Variants in ACSF2 observed in about 807,000 individuals in gnomAD.
The protein encoded by ACSF2 is acyl-CoA synthetase family member 2.
A neutral mutation model predicts 79.3 loss-of-function variants in ACSF2; 52 were observed. The ratio of observed to expected loss-of-function variants is 0.66; its 90% CI spans 0.53 to 0.83. ACSF2 has a LOEUF of 0.83. Among genes scored for constraint, ACSF2 ranks in the 40% least tolerant of loss-of-function variants. The pLI is 0.00. For missense variants in ACSF2, 661 were observed against 803.3 expected, an observed-to-expected ratio of 0.82 and a Z score of 2.14; for synonymous variants, 283 against 312.6, an observed-to-expected ratio of 0.91 and a Z score of 1.00.
chr17:50,471,237 C>A lies in ACSF2; in HGVS notation c.1323+102C>A. 1.1e-6 allele frequency: 1 copy of A among 933,736 alleles called. No homozygotes were observed. Among genetic ancestry groups the A allele is most frequent in the Admixed American group, 2.0e-5 (1 of 51,174 alleles). 57.8% of individuals were successfully genotyped at this position (933,736 alleles called of 1,614,324 possible). On this transcript the variant is annotated intron_variant, in intron 11 of 15. Transcript: ENST00000300441. The surrounding 1 kb of genome is among the most constrained non-coding windows in gnomAD (Gnocchi z 4.1). ...CTTTCAGTGAGAGAGTCAAATGGCT[C>A]ACTCAGGATGCCTAGAGCCCCCCAG...
Position 50,465,286 on chromosome 17 carries a change from G to C in ACSF2, c.1215+992G>C, listed in dbSNP as rs766953753. The C allele has an allele frequency of 6.8e-6, 11 of 1,613,826 alleles. No homozygotes were observed. The African/African-American group carries it at 1.5e-4, about 22-fold the overall frequency. ...GGGACATAGGGGACCTGTTTACCTG[G>C]CCCCCACCTGTTTAATGGCGGCCAG... On this transcript the variant is annotated intron_variant, in intron 10 of 15. Transcript: ENST00000300441.
intron 10 of ACSF2, chr17:50,468,543 C>T: frequency 6.2e-7 from 1 of 1,614,224 alleles, no homozygotes; most frequent in East Asian, 2.2e-5. Flanking sequence ...GCACCGGCGG[C>T]CACCTCGCGG....
At chr17:50,456,575 A>C (rs1010074032) in intron 1 of ACSF2, among the ~76,000 whole-genome samples, 2 of 151,842 alleles carry the variant, frequency 1.3e-5, no homozygotes, top group Non-Finnish European at 2.9e-5. Context: ...TCTACTAAAC[A>C]TGCAAAATTA....
At chr17:50,468,439 C>G in intron 10 of ACSF2, 1 of 1,614,270 alleles carries the variant, frequency 6.2e-7, no homozygotes, top group Middle Eastern at 1.6e-4. Context: ...AGAGGTAGGT[C>G]AGCTCGGTCA....
At chr17:50,466,508 A>T (rs963426974) in intron 10 of ACSF2, among the ~76,000 whole-genome samples, 6 of 152,194 alleles carry the variant, frequency 3.9e-5, no homozygotes, top group Non-Finnish European at 8.8e-5. Context: ...TTCCCCTGGC[A>T]CCACAATCCC....
intron 1 of ACSF2, among the ~76,000 whole-genome samples, chr17:50,453,231 C>T (rs756697868): frequency 4.0e-5 from 6 of 151,844 alleles, no homozygotes; most frequent in Non-Finnish European, 4.4e-5. Context: ...AAATTTGGGA[C>T]GGAGTTTCAC....
chr17:50,460,128 C>T (rs952189830), intron 1 of ACSF2: 11 of 453,546 alleles, frequency 2.4e-5, no homozygotes, highest in Middle Eastern at 5.1e-4. Flanking sequence ...TAACAGGGGC[C>T]GCCCAGCTGC....
At chr17:50,435,498 C>A (rs918701851) in intron 1 of ACSF2, among the ~76,000 whole-genome samples, 13 of 151,958 alleles carry the variant, frequency 8.6e-5, no homozygotes, top group African/African-American at 3.1e-4. Context: ...GCAGCCTCAA[C>A]CTCCTGGGCT....
chr17:50,472,645 C>T, intron 12 of ACSF2, 66 bp downstream of exon 12: 1 of 1,522,792 alleles, frequency 6.6e-7, no homozygotes, highest in East Asian at 2.4e-5. Flanking sequence ...TGAGGCTGAG[C>T]CGGGAACATT....
chr17:50,430,681 TGAAAA>T (rs1021447745), intron 1 of ACSF2, among the ~76,000 whole-genome samples: 1 of 152,020 alleles, frequency 6.6e-6, no homozygotes, highest in Non-Finnish European at 1.5e-5. Flanking sequence ...AATAAATAAA[TGAAAA>T]GAAGAGACAG....
intron 1 of ACSF2, among the ~76,000 whole-genome samples, chr17:50,434,415 G>A (rs1031363977): frequency 2.0e-5 from 3 of 151,976 alleles, no homozygotes; most frequent in South Asian, 4.2e-4. Context: ...GGCTGGGTGC[G>A]GTGGCTCATG....
intron 10 of ACSF2, chr17:50,465,799 C>T (rs758695481): frequency 6.2e-7 from 1 of 1,613,794 alleles, no homozygotes; most frequent in Admixed American, 1.7e-5. Context: ...TGGAGGGTAG[C>T]TGGTTCAAGC....
chr17:50,431,805 A>G (rs1005029372), intron 1 of ACSF2, among the ~76,000 whole-genome samples: 1 of 152,138 alleles, frequency 6.6e-6, no homozygotes, highest in Non-Finnish European at 1.5e-5. Flanking sequence ...TTTTACTTCA[A>G]TCTACAGATG....
chr17:50,460,318 A>G, intron 1 of ACSF2: 1 of 469,632 alleles, frequency 2.1e-6, no homozygotes, highest in Non-Finnish European at 4.2e-6. Flanking sequence ...TGACCTGTTT[A>G]TTCTCCAGGA....
chr17:50,458,326 G>T (rs984598633), intron 1 of ACSF2, among the ~76,000 whole-genome samples: 1 of 152,102 alleles, frequency 6.6e-6, no homozygotes, highest in Non-Finnish European at 1.5e-5. Flanking sequence ...GTTTCAGCTG[G>T]GTTCAAGTTC....
intron 2 of ACSF2, 169 bp downstream of exon 2, chr17:50,461,041 C>A: frequency 9.1e-7 from 1 of 1,101,232 alleles, no homozygotes; most frequent in Non-Finnish European, 1.3e-6. Context: ...ACAAGGGGTC[C>A]AATGCCTCCT....
intron 1 of ACSF2, chr17:50,450,842 T>G (rs1409658623): frequency 6.6e-6 from 1 of 152,276 alleles, no homozygotes; most frequent in East Asian, 1.9e-4. Context: ...TGCCACATTT[T>G]GTTTATCCGT....
At chr17:50,433,051 C>A (rs1340686254) in intron 1 of ACSF2, among the ~76,000 whole-genome samples, 1 of 151,998 alleles carries the variant, frequency 6.6e-6, no homozygotes, top group Admixed American at 6.6e-5. Context: ...CAAAAAGAAG[C>A]ATCAAGTTTT....
intron 10 of ACSF2, among the ~76,000 whole-genome samples, chr17:50,469,431 C>A (rs1329860875): frequency 2.6e-5 from 4 of 152,186 alleles, no homozygotes; most frequent in African/African-American, 9.7e-5. Flanking sequence ...TCTCCCACTT[C>A]AGACTCGACG....
Sources: allele counts gnomAD v4.1 joint callset (sites outside exome capture counted in the v4.1 genomes callset), GRCh38; gene constraint gnomAD v4.1.1; non-coding constraint Gnocchi (gnomAD v3.1); transcripts MANE v1.5; gene names NCBI Gene and HGNC (gene_info 2026-07-23, HGNC 2026-07-21).